DSCAM: variants seen among roughly 807,000 people sequenced by gnomAD.
DSCAM encodes DS cell adhesion molecule.
Under a neutral mutation model 217.7 loss-of-function variants are expected in DSCAM, and 47 were observed. The observed-to-expected ratio is 0.22, with a 90% confidence interval of 0.17 to 0.28. The LOEUF is 0.28. DSCAM is among the 10% of genes least tolerant of loss of function. The pLI is 1.00. For missense variants in DSCAM, 2,080 were observed against 2,618.3 expected (o/e 0.79, Z 4.49); for synonymous variants, 1,056 against 1,015.3 (o/e 1.04, Z -0.76).
chr21:40,779,250 G>C (rs1271381090), intron 1 of DSCAM, among the ~76,000 whole-genome samples: 1 of 152,092 alleles, frequency 6.6e-6, no homozygotes, highest in African/African-American at 2.4e-5. Flanking sequence ...AGAGTAGAGA[G>C]AGGCAAGACG....
At chr21:40,842,862 A>T (rs562502898) in intron 1 of DSCAM, among the ~76,000 whole-genome samples, 1 of 152,122 alleles carries the variant, frequency 6.6e-6, no homozygotes, top group Non-Finnish European at 1.5e-5. Context: ...AAAAGTGGAG[A>T]ACGATCCACT....
chr21:40,299,866 C>CT (rs767183747), intron 9 of DSCAM, among the ~76,000 whole-genome samples: 39 of 152,104 alleles, frequency 2.6e-4, no homozygotes, highest in Non-Finnish European at 2.9e-4. Context: ...GACCTAGATA[C>CT]TTTTTTTCTA....
intron 3 of DSCAM, among the ~76,000 whole-genome samples, chr21:40,657,953 C>T (rs1002187713): frequency 6.6e-6 from 1 of 152,120 alleles, no homozygotes; most frequent in Non-Finnish European, 1.5e-5. Context: ...AATGAGCCAA[C>T]CAGCAATCTC....
intron 3 of DSCAM, among the ~76,000 whole-genome samples, chr21:40,632,694 C>T (rs1294433500): frequency 6.6e-6 from 1 of 152,226 alleles, no homozygotes; most frequent in Non-Finnish European, 1.5e-5. Flanking sequence ...AGGTCTCACT[C>T]ACTCTTCATC....
chr21:40,492,714 A>C lies in DSCAM; in HGVS notation c.509-123469T>G, dbSNP rs896073354. On this transcript the variant is annotated intron_variant, in intron 3 of 32. Coordinates refer to ENST00000400454, the MANE Select transcript of DSCAM (RefSeq NM_001389.5). Reference sequence around the variant, plus strand: ...AAAGAAAGAATGAGAAAATTTGAAGAAAGTATACATGGAATTATATGACCA... The same window carrying C: ...AAAGAAAGAATGAGAAAATTTGAAGCAAGTATACATGGAATTATATGACCA... Among the ~76,000 whole-genome samples, 3 of 152,232 alleles carry C rather than the reference A, an allele frequency of 2.0e-5. No homozygotes were observed. In the East Asian group the frequency reaches 5.8e-4, roughly 29 times the overall value.
intron 32 of DSCAM, among the ~76,000 whole-genome samples, chr21:40,039,083 G>A (rs148826520): frequency 0.026 from 3,995 of 151,592 alleles, 173 homozygotes; most frequent in African/African-American, 0.092. Flanking sequence ...CCAGTTAGTG[G>A]GTGCAGCGCA....
At chr21:40,523,648 C>T (rs563410130) in intron 3 of DSCAM, among the ~76,000 whole-genome samples, 14 of 152,186 alleles carry the variant, frequency 9.2e-5, no homozygotes, top group Non-Finnish European at 1.9e-4. Context: ...TCTCCAAGCC[C>T]AGGTGTGATC....
chr21:40,299,142 A>C (rs1033310614), intron 9 of DSCAM, among the ~76,000 whole-genome samples: 3 of 152,138 alleles, frequency 2.0e-5, no homozygotes, highest in African/African-American at 7.2e-5. Context: ...GCAGTAAGTG[A>C]GCTTCTTAAT....
chr21:40,473,599 T>C (rs963271575), intron 3 of DSCAM, among the ~76,000 whole-genome samples: 13 of 152,328 alleles, frequency 8.5e-5, no homozygotes, highest in Admixed American at 7.2e-4. Flanking sequence ...AGAATGTGCA[T>C]ATACAACTAT....
At chr21:40,442,984 T>A (rs1188685311) in intron 3 of DSCAM, among the ~76,000 whole-genome samples, 2 of 152,116 alleles carry the variant, frequency 1.3e-5, no homozygotes, top group African/African-American at 4.8e-5. Flanking sequence ...GAGGAGAGAG[T>A]ATAACTGTTC....
intron 3 of DSCAM, among the ~76,000 whole-genome samples, chr21:40,607,132 T>A (rs980213946): frequency 1.3e-5 from 2 of 152,364 alleles, no homozygotes; most frequent in Middle Eastern, 3.4e-3. Flanking sequence ...CTTCCACTGA[T>A]ATTAAGAATC....
At chr21:40,385,291 A>T (rs1158055513) in intron 3 of DSCAM, 1 of 152,220 alleles carries the variant, frequency 6.6e-6, no homozygotes, top group Non-Finnish European at 1.5e-5. Flanking sequence ...AATGAAAATA[A>T]AGTATATTTT....
At chr21:40,813,642 C>G (rs1287446225) in intron 1 of DSCAM, among the ~76,000 whole-genome samples, 37 of 141,986 alleles carry the variant, frequency 2.6e-4, no homozygotes, top group African/African-American at 9.6e-4. Context: ...TTCTTTCTTT[C>G]TTGTTTTTTT....
intron 1 of DSCAM, among the ~76,000 whole-genome samples, chr21:40,776,781 A>G (rs1428037925): frequency 1.3e-5 from 2 of 152,330 alleles, no homozygotes; most frequent in East Asian, 3.9e-4. Flanking sequence ...ATTTCAAGCA[A>G]GAGATTAATA....
chr21:40,289,211 A>G (rs1468821520), intron 10 of DSCAM, among the ~76,000 whole-genome samples: 3 of 152,202 alleles, frequency 2.0e-5, no homozygotes, highest in Non-Finnish European at 4.4e-5. Flanking sequence ...TGGGCAACCA[A>G]CAGGGTAATT....
chr21:40,349,632 T>C (rs2074607218), intron 5 of DSCAM, among the ~76,000 whole-genome samples: 1 of 152,214 alleles, frequency 6.6e-6, no homozygotes, highest in South Asian at 2.1e-4. Context: ...TTTTGTGTTA[T>C]CTCTATTTTA....
intron 3 of DSCAM, among the ~76,000 whole-genome samples, chr21:40,689,992 TCTTC>T (rs1231635886): frequency 1.3e-5 from 2 of 151,448 alleles, no homozygotes; most frequent in Non-Finnish European, 2.9e-5. Flanking sequence ...GGAGGGAGGG[TCTTC>T]CTTTTAGCGG....
At chr21:40,404,198 G>T (rs2075262282) in intron 3 of DSCAM, among the ~76,000 whole-genome samples, 1 of 152,102 alleles carries the variant, frequency 6.6e-6, no homozygotes, top group South Asian at 2.1e-4. Flanking sequence ...ACTTCAAAGG[G>T]ATTCATCTAT....
intron 18 of DSCAM, among the ~76,000 whole-genome samples, chr21:40,137,961 G>A (rs1052386504): frequency 6.6e-6 from 1 of 151,924 alleles, no homozygotes; most frequent in Non-Finnish European, 1.5e-5. Context: ...AGAGGAAAAT[G>A]GTAACTTTTC....
Sources: gnomAD v4.1 joint callset for allele counts (sites outside exome capture counted in the v4.1 genomes callset) on GRCh38, gnomAD v4.1.1 for gene constraint, MANE v1.5 for transcripts, NCBI Gene and HGNC (gene_info 2026-07-23, HGNC 2026-07-21) for gene names.